Variants in EML1 observed in about 807,000 individuals in gnomAD.
The protein encoded by EML1 is echinoderm microtubule-associated protein-like 1.
A neutral mutation model predicts 110.4 loss-of-function variants in EML1; 27 were observed. That is an observed-to-expected ratio of 0.24 (90% CI 0.18 to 0.34). The LOEUF (loss-of-function observed/expected upper bound fraction) is 0.34. Ranked by LOEUF, EML1 falls within the 10% of genes least tolerant of loss-of-function variation. The probability of loss-of-function intolerance (pLI) is 1.00; values close to 1 mark genes in which losing one functional copy is unlikely to be tolerated. For missense variants in EML1, 741 were observed against 1,030.9 expected (o/e 0.72, Z 3.85); for synonymous variants, 344 against 385.8 (o/e 0.89, Z 1.27).
chr14:99,838,730 GT>G (rs2058579266), intron 1 of EML1, among the ~76,000 whole-genome samples: 1 of 152,064 alleles, frequency 6.6e-6, no homozygotes, highest in Non-Finnish European at 1.5e-5. Flanking sequence ...AAAAGGCCAG[GT>G]TTTAAAGCAT....
chr14:99,908,039 C>T (rs1168224370), intron 10 of EML1, among the ~76,000 whole-genome samples: 1 of 152,236 alleles, frequency 6.6e-6, no homozygotes, highest in Non-Finnish European at 1.5e-5. Flanking sequence ...TTGGCACACC[C>T]CGAGTGCCTG....
chr14:99,817,308 G>T (rs2058184852), intron 1 of EML1, among the ~76,000 whole-genome samples: 1 of 152,204 alleles, frequency 6.6e-6, no homozygotes, highest in Non-Finnish European at 1.5e-5. Flanking sequence ...TGCTCAGTTT[G>T]GCTGGTGTGC....
At chr14:99,799,523 C>T (rs1275558520) in intron 1 of EML1, among the ~76,000 whole-genome samples, 1 of 152,188 alleles carries the variant, frequency 6.6e-6, no homozygotes, top group Non-Finnish European at 1.5e-5. Context: ...ATAGCAAAAT[C>T]GGAGGAAAAC....
chr14:99,751,307 G>C (rs1048358817), intron 1 of EML1, among the ~76,000 whole-genome samples: 5 of 152,064 alleles, frequency 3.3e-5, no homozygotes, highest in Admixed American at 6.6e-5. Flanking sequence ...CCTGAGTCAG[G>C]TCTTGAGGCA....
At chr14:99,881,535 C>A (rs1234022765) in intron 4 of EML1, among the ~76,000 whole-genome samples, 1 of 151,764 alleles carries the variant, frequency 6.6e-6, no homozygotes, top group Non-Finnish European at 1.5e-5. Flanking sequence ...AAATATTAAC[C>A]TTTTCTGAGA....
intron 19 of EML1, 94 bp from the exon 20 acceptor site, chr14:99,937,723 G>C: frequency 8.8e-7 from 1 of 1,141,128 alleles, no homozygotes; most frequent in Non-Finnish European, 1.3e-6. Flanking sequence ...GAAGGGCTCT[G>C]TACCCAACGG....
At chr14:99,850,519 G>A (rs959488695) in intron 1 of EML1, among the ~76,000 whole-genome samples, 1 of 152,150 alleles carries the variant, frequency 6.6e-6, no homozygotes, top group Non-Finnish European at 1.5e-5. Flanking sequence ...GGAAGTTGAA[G>A]TGGACGTATT....
intron 11 of EML1, 50 bp downstream of exon 11, chr14:99,909,529 T>A (rs771038128): frequency 1.2e-6 from 2 of 1,609,114 alleles, no homozygotes; most frequent in South Asian, 2.2e-5. Flanking sequence ...TATATGTGAT[T>A]GGCTAGATGC....
At chr14:99,854,075 G>C (rs2058859784) in intron 2 of EML1, among the ~76,000 whole-genome samples, 1 of 152,192 alleles carries the variant, frequency 6.6e-6, no homozygotes, top group Non-Finnish European at 1.5e-5. Flanking sequence ...AGCTTTTGCT[G>C]TCTGCCCAAT....
intron 5 of EML1, among the ~76,000 whole-genome samples, chr14:99,892,690 T>A (rs1410170663): frequency 6.6e-6 from 1 of 152,228 alleles, no homozygotes; most frequent in Non-Finnish European, 1.5e-5. Context: ...TTCAGTAAGT[T>A]AAAATTCTGC....
intron 1 of EML1, among the ~76,000 whole-genome samples, chr14:99,749,914 C>T (rs1296289543): frequency 6.6e-6 from 1 of 152,240 alleles, no homozygotes; most frequent in Non-Finnish European, 1.5e-5. Flanking sequence ...CTTGGCTGCT[C>T]CCCGATGGGG....
chr14:99,819,463 G>A (rs2058224560), intron 1 of EML1, among the ~76,000 whole-genome samples: 1 of 152,084 alleles, frequency 6.6e-6, no homozygotes, highest in Admixed American at 6.5e-5. Context: ...TGGTTTCATA[G>A]TTCTCGGAAA....
intron 1 of EML1, among the ~76,000 whole-genome samples, chr14:99,780,069 C>T (rs116564169): frequency 0.015 from 2,221 of 152,166 alleles, 36 homozygotes; most frequent in African/African-American, 0.045. Flanking sequence ...AGACTGCCAC[C>T]TTCTTGCTGT....
intron 1 of EML1, among the ~76,000 whole-genome samples, chr14:99,811,121 GGGGT>G (rs1371255764): frequency 6.7e-6 from 1 of 148,286 alleles, no homozygotes; most frequent in Admixed American, 6.7e-5. Context: ...CAGGGGTTAG[GGGGT>G]GCTGAGCCCT....
chr14:99,745,053 G>A (rs984757847), intron 1 of EML1, among the ~76,000 whole-genome samples: 1 of 152,114 alleles, frequency 6.6e-6, no homozygotes, highest in Non-Finnish European at 1.5e-5. Flanking sequence ...CATCAGTTTA[G>A]TAGCTGGTTC....
chr14:99,861,939 T>C (rs1281750417), intron 2 of EML1, among the ~76,000 whole-genome samples: 2 of 152,216 alleles, frequency 1.3e-5, no homozygotes, highest in Non-Finnish European at 2.9e-5. Context: ...AATGGATCAA[T>C]ATTAATACAT....
intron 1 of EML1, among the ~76,000 whole-genome samples, chr14:99,786,666 C>T (rs112506291): frequency 3.9e-5 from 6 of 152,182 alleles, no homozygotes; most frequent in African/African-American, 9.7e-5. Context: ...CTGAGAGTCG[C>T]GAAGAGGAGC....
intron 1 of EML1, among the ~76,000 whole-genome samples, chr14:99,739,035 G>C (rs979719440): frequency 6.6e-6 from 1 of 150,696 alleles, no homozygotes; most frequent in African/African-American, 2.4e-5. Context: ...GGCTGGGTAG[G>C]ATTTGGAACA....
chr14:99,886,617 C>T (rs1159216376), intron 4 of EML1, among the ~76,000 whole-genome samples: 4 of 152,234 alleles, frequency 2.6e-5, no homozygotes, highest in Non-Finnish European at 5.9e-5. Flanking sequence ...GCAAGTATCT[C>T]TGCTCAAACA....
Sources: gnomAD v4.1 joint callset for allele counts (sites outside exome capture counted in the v4.1 genomes callset) on GRCh38, gnomAD v4.1.1 for gene constraint, MANE v1.5 for transcripts, NCBI Gene and HGNC (gene_info 2026-07-23, HGNC 2026-07-21) for gene names.